ENOX1: variants seen among roughly 807,000 people sequenced by gnomAD.
ENOX1 encodes candidate growth-related and time keeping constitutive hydroquinone (NADH) oxidase.
A neutral mutation model predicts 82.5 loss-of-function variants in ENOX1; 42 were observed. The observed-to-expected ratio is 0.51, with a 90% CI of 0.40 to 0.66. The LOEUF is 0.66. Ranked by LOEUF, ENOX1 falls within the 30% of genes least tolerant of loss-of-function variation. The probability of loss-of-function intolerance (pLI) is 0.00; values close to 1 mark genes in which losing one functional copy is unlikely to be tolerated. For missense variants in ENOX1, 608 were observed against 811.6 expected (o/e 0.75, Z 3.05); for synonymous variants, 271 against 282.2 (o/e 0.96, Z 0.40).
At chr13:43,678,243 G>A (rs1214911420) in intron 1 of ENOX1, among the ~76,000 whole-genome samples, 3 of 152,106 alleles carry the variant, frequency 2.0e-5, no homozygotes, top group Admixed American at 1.3e-4. Context: ...TTGAATTCAT[G>A]TCTAGTTAAT....
intron 11 of ENOX1, among the ~76,000 whole-genome samples, chr13:43,321,889 C>T (rs2047833625): frequency 6.6e-6 from 1 of 152,184 alleles, no homozygotes; most frequent in African/African-American, 2.4e-5. Context: ...CTTCTTTGTA[C>T]AACCTAAGGA....
At chr13:43,229,923 A>C (rs1424393410) in intron 15 of ENOX1, among the ~76,000 whole-genome samples, 1 of 152,224 alleles carries the variant, frequency 6.6e-6, no homozygotes, top group Non-Finnish European at 1.5e-5. Flanking sequence ...GTCCTCATTA[A>C]ATTTGAGATG....
At chr13:43,389,204 T>G (rs1298738604) in intron 5 of ENOX1, among the ~76,000 whole-genome samples, 1 of 152,196 alleles carries the variant, frequency 6.6e-6, no homozygotes, top group Non-Finnish European at 1.5e-5. Flanking sequence ...TGTCATCTGT[T>G]GACCTGGCAA....
chr13:43,684,324 T>C (rs540083062), intron 1 of ENOX1, among the ~76,000 whole-genome samples: 61 of 152,280 alleles, frequency 4.0e-4, no homozygotes, highest in African/African-American at 1.4e-3. Flanking sequence ...GGTATCTCAA[T>C]TATTGAGGAA....
chr13:43,342,295 G>A (rs1255247909), intron 9 of ENOX1, among the ~76,000 whole-genome samples: 1 of 152,156 alleles, frequency 6.6e-6, no homozygotes, highest in Non-Finnish European at 1.5e-5. Flanking sequence ...GGCCGAATCG[G>A]GGTATATTTT....
intron 14 of ENOX1, among the ~76,000 whole-genome samples, chr13:43,254,215 GC>G (rs2043620068): frequency 6.6e-6 from 1 of 152,182 alleles, no homozygotes; most frequent in South Asian, 2.1e-4. Context: ...CAGAGCATAG[GC>G]TCTAGAATCC....
chr13:43,275,226 A>C (rs1034008571), intron 12 of ENOX1, among the ~76,000 whole-genome samples: 4 of 152,312 alleles, frequency 2.6e-5, no homozygotes, highest in Middle Eastern at 3.4e-3. Context: ...GCGGTGTGTC[A>C]AATTTGACGT....
chr13:43,250,023 A>C (rs1566336143), intron 14 of ENOX1, among the ~76,000 whole-genome samples: 1 of 152,236 alleles, frequency 6.6e-6, no homozygotes, highest in African/African-American at 2.4e-5. Flanking sequence ...GCTTTTATTG[A>C]GTGCTTGGTA....
At chr13:43,435,720 G>T (rs2055983682) in intron 3 of ENOX1, among the ~76,000 whole-genome samples, 1 of 152,076 alleles carries the variant, frequency 6.6e-6, no homozygotes, top group Admixed American at 6.5e-5. Flanking sequence ...ACAAAATTCT[G>T]CCTGCTAATC....
chr13:43,389,868 T>C (rs1272378445), intron 5 of ENOX1, among the ~76,000 whole-genome samples: 1 of 152,180 alleles, frequency 6.6e-6, no homozygotes, highest in Admixed American at 6.5e-5. Context: ...ACGGAAACAA[T>C]GGCTGTCCTA....
At chr13:43,230,160 T>G (rs1297412871) in intron 15 of ENOX1, among the ~76,000 whole-genome samples, 1 of 152,210 alleles carries the variant, frequency 6.6e-6, no homozygotes, top group African/African-American at 2.4e-5. Flanking sequence ...GGCATCATGA[T>G]GGCGGAGAGA....
In ENOX1 at chr13:43,395,748, G is replaced by A. The variant is rs148163717; in HGVS notation, c.208+16168C>T. Among the ~76,000 whole-genome samples, 9 of 152,308 alleles carry A rather than the reference G, an allele frequency of 5.9e-5. No individual in the cohort carries two copies. The East Asian group carries it at 1.7e-3, about 29-fold the overall frequency. On this transcript the variant is annotated intron_variant, in intron 5 of 16. Coordinates refer to ENST00000690772, the MANE Select transcript of ENOX1 (RefSeq NM_001347969.2). The stretch of plus-strand genomic sequence containing the variant: ...GAAACACAGCCTTATCCACAAGCAT[G>A]GAGCCCAGCAGGAAGCTGTTTAAAG...
chr13:43,451,820 G>A lies in ENOX1; in HGVS notation c.-75+32189C>T, dbSNP rs569867851. The stretch of plus-strand genomic sequence containing the variant: ...TCATTTGGTTATTCTAGGTACTTGG[G>A]GAAAAGCAGTAAATAAAACAGACAA... On this transcript the variant is annotated intron_variant, in intron 3 of 16. Transcript: ENST00000690772. Among the ~76,000 whole-genome samples, 3 of 152,164 alleles carry A rather than the reference G, an allele frequency of 2.0e-5. No homozygotes were observed. The East Asian group carries it at 5.8e-4, about 29-fold the overall frequency.
At chr13:43,481,820 C>A (rs1246391085) in intron 3 of ENOX1, among the ~76,000 whole-genome samples, 14 of 151,996 alleles carry the variant, frequency 9.2e-5, no homozygotes, top group Non-Finnish European at 1.9e-4. Flanking sequence ...TGCAAAATAT[C>A]CAAATAATAT....
At chr13:43,357,623 T>A (rs528306619) in intron 7 of ENOX1, among the ~76,000 whole-genome samples, 3 of 152,276 alleles carry the variant, frequency 2.0e-5, no homozygotes, top group East Asian at 1.9e-4. Flanking sequence ...CAGGACTGTT[T>A]AAACTGGCCA....
Position 43,402,601 on chromosome 13 carries a change from T to G in ENOX1, c.208+9315A>C, listed in dbSNP as rs561289199. Among the ~76,000 whole-genome samples, 13 of 152,314 alleles carry G rather than the reference T, an allele frequency of 8.5e-5. No individual in the cohort carries two copies. In the East Asian group the frequency reaches 2.5e-3, roughly 29 times the overall value. On this transcript the variant is annotated intron_variant, in intron 5 of 16. Coordinates refer to ENST00000690772, the MANE Select transcript of ENOX1 (RefSeq NM_001347969.2). ...GTGCTTACAATTCAAGAATGCAGTA[T>G]GTAACACACTGTAAACTAGAAGGCA...
chr13:43,692,727 CAT>C (rs1156619026), intron 1 of ENOX1, among the ~76,000 whole-genome samples: 2 of 152,064 alleles, frequency 1.3e-5, no homozygotes, highest in Admixed American at 6.5e-5. Context: ...TCAAATTTTA[CAT>C]GTTTTGTATA....
intron 2 of ENOX1, among the ~76,000 whole-genome samples, chr13:43,512,073 T>G (rs993580271): frequency 2.0e-5 from 3 of 152,156 alleles, no homozygotes; most frequent in Non-Finnish European, 2.9e-5. Flanking sequence ...TAGATGCATA[T>G]CTAATATACA....
At chr13:43,407,208 G>A (rs1453797661) in intron 5 of ENOX1, among the ~76,000 whole-genome samples, 3 of 152,200 alleles carry the variant, frequency 2.0e-5, no homozygotes, top group Admixed American at 2.0e-4. Flanking sequence ...GGGACAACGT[G>A]TGCCACAGAA....
Sources: gnomAD v4.1 joint callset for allele counts (sites outside exome capture counted in the v4.1 genomes callset) on GRCh38, gnomAD v4.1.1 for gene constraint, MANE v1.5 for transcripts, NCBI Gene and HGNC (gene_info 2026-07-23, HGNC 2026-07-21) for gene names.